The following GAREM1 variants were observed in gnomAD, a reference collection of about 807,000 sequenced individuals.
The protein encoded by GAREM1 is GRB2 associated regulator of MAPK1 subtype 1.
GAREM1 carries 26 observed loss-of-function variants against 71.3 expected under a neutral mutation model. That is an observed-to-expected ratio of 0.36 (90% CI 0.27 to 0.51). GAREM1 has a LOEUF of 0.51. GAREM1 is among the 20% of genes least tolerant of loss of function. The pLI, the probability that GAREM1 is intolerant of heterozygous loss-of-function variation, is 0.95. For synonymous variants in GAREM1, 440 were observed against 433.2 expected, an observed-to-expected ratio of 1.02 and a Z score of -0.20; for missense variants, 1,026 against 1,103.1, an observed-to-expected ratio of 0.93 and a Z score of 0.99.
intron 2 of GAREM1, among the ~76,000 whole-genome samples, chr18:32,341,183 G>C (rs968287952): frequency 6.6e-6 from 1 of 152,092 alleles, no homozygotes; most frequent in African/African-American, 2.4e-5. Context: ...CTGTGTCCAA[G>C]TGTTCTCATT....
At chr18:32,315,473 T>TAAAAGTAGATATATATAAAATATATAA (rs2047368728) in intron 2 of GAREM1, among the ~76,000 whole-genome samples, 1 of 147,308 alleles carries the variant, frequency 6.8e-6, no homozygotes, top group African/African-American at 2.5e-5. Context: ...TAAATATATA[T>TAAAAGTAGATATATATAAAATATATAA]AAAAGTAGAT....
At chr18:32,397,406 C>T (rs1432629705) in intron 1 of GAREM1, among the ~76,000 whole-genome samples, 3 of 152,016 alleles carry the variant, frequency 2.0e-5, no homozygotes, top group African/African-American at 7.3e-5. Flanking sequence ...TACAGGAGAC[C>T]CATCTCACAT....
chr18:32,438,016 C>T (rs331970), intron 1 of GAREM1, among the ~76,000 whole-genome samples: 1 of 152,112 alleles, frequency 6.6e-6, no homozygotes, highest in Non-Finnish European at 1.5e-5. Flanking sequence ...CCCAGCACCT[C>T]TAAAGTCTAA....
chr18:32,303,406 T>C (rs919525659), intron 3 of GAREM1, among the ~76,000 whole-genome samples: 4 of 152,204 alleles, frequency 2.6e-5, no homozygotes, highest in African/African-American at 9.7e-5. Flanking sequence ...TTGTTAGTCA[T>C]TATTTTGATG....
chr18:32,338,570 C>T (rs117932377), intron 2 of GAREM1, among the ~76,000 whole-genome samples: 1 of 152,300 alleles, frequency 6.6e-6, no homozygotes, highest in Admixed American at 6.5e-5. Context: ...GCATTAAACA[C>T]CCTTAAAGCA....
At chr18:32,357,324 TA>T (rs2047816269) in intron 2 of GAREM1, among the ~76,000 whole-genome samples, 1 of 152,118 alleles carries the variant, frequency 6.6e-6, no homozygotes, top group African/African-American at 2.4e-5. Flanking sequence ...TAAAAATAAA[TA>T]AATTTTTTAA....
At chr18:32,429,728 C>A (rs2048605706) in intron 1 of GAREM1, among the ~76,000 whole-genome samples, 1 of 152,198 alleles carries the variant, frequency 6.6e-6, no homozygotes, top group Admixed American at 6.5e-5. Context: ...CACTTCACTC[C>A]TCTAATGAAA....
intron 4 of GAREM1, 99 bp from the exon 5 acceptor site, chr18:32,270,482 G>A (rs956637014): frequency 1.2e-5 from 12 of 968,268 alleles, no homozygotes; most frequent in African/African-American, 8.2e-5. Context: ...CTCTTAAACC[G>A]TAACAGCAGG....
At chr18:32,388,488 G>T (rs993467916) in intron 2 of GAREM1, among the ~76,000 whole-genome samples, 1 of 152,080 alleles carries the variant, frequency 6.6e-6, no homozygotes. Flanking sequence ...AAATTTCCCA[G>T]TAATCACAAA....
chr18:32,300,227 T>C (rs2047186072), intron 3 of GAREM1, among the ~76,000 whole-genome samples: 1 of 152,156 alleles, frequency 6.6e-6, no homozygotes, highest in Non-Finnish European at 1.5e-5. Context: ...AGCAAATAAT[T>C]CCTACCCATT....
intron 2 of GAREM1, among the ~76,000 whole-genome samples, chr18:32,329,523 T>A (rs756280969): frequency 2.0e-5 from 3 of 151,488 alleles, no homozygotes; most frequent in Non-Finnish European, 4.4e-5. Flanking sequence ...CTGGCCAATA[T>A]GGTGACACCC....
chr18:32,398,443 G>C (rs1216588652), intron 1 of GAREM1, among the ~76,000 whole-genome samples: 1 of 152,068 alleles, frequency 6.6e-6, no homozygotes, highest in African/African-American at 2.4e-5. Flanking sequence ...GAAGAAAAGA[G>C]AGAAGAATCA....
intron 2 of GAREM1, among the ~76,000 whole-genome samples, chr18:32,346,978 T>C (rs2047703250): frequency 6.6e-6 from 1 of 152,146 alleles, no homozygotes; most frequent in South Asian, 2.1e-4. Flanking sequence ...AGTCTCTGCT[T>C]TGTTCACACT....
At chr18:32,462,406 G>A (rs1383097911) in intron 1 of GAREM1, among the ~76,000 whole-genome samples, 1 of 152,036 alleles carries the variant, frequency 6.6e-6, no homozygotes, top group Non-Finnish European at 1.5e-5. Context: ...TAAGCCATTT[G>A]TATGTCTTCT....
chr18:32,442,443 CTT>C (rs1326420452), intron 1 of GAREM1, among the ~76,000 whole-genome samples: 2 of 152,086 alleles, frequency 1.3e-5, no homozygotes, highest in Non-Finnish European at 2.9e-5. Context: ...GATCTTAACA[CTT>C]TTAAATTTAA....
At chr18:32,397,190 G>C (rs1213859327) in intron 1 of GAREM1, among the ~76,000 whole-genome samples, 1 of 152,182 alleles carries the variant, frequency 6.6e-6, no homozygotes, top group Non-Finnish European at 1.5e-5. Context: ...ACCAGCCACT[G>C]CAAAAACATG....
intron 1 of GAREM1, among the ~76,000 whole-genome samples, chr18:32,461,774 G>A (rs1039013427): frequency 2.0e-5 from 3 of 152,126 alleles, no homozygotes; most frequent in African/African-American, 7.2e-5. Context: ...AGAAATAAAA[G>A]TTACTTTTCC....
chr18:32,468,960 T>TCCCCCCCCCCC (rs34977174), intron 1 of GAREM1, among the ~76,000 whole-genome samples: 244 of 82,182 alleles, frequency 3.0e-3, no homozygotes, highest in Non-Finnish European at 3.2e-3. Context: ...CACCTGTGCG[T>TCCCCCCCCCCC]CCCCCCCCCC....
At chr18:32,280,477 T>C (rs369509586) in intron 4 of GAREM1, among the ~76,000 whole-genome samples, 1 of 152,202 alleles carries the variant, frequency 6.6e-6, no homozygotes, top group African/African-American at 2.4e-5. Flanking sequence ...TACCAGTTTC[T>C]TGACACTTGT....
Sources: allele counts gnomAD v4.1 joint callset (sites outside exome capture counted in the v4.1 genomes callset), GRCh38; gene constraint gnomAD v4.1.1; transcripts MANE v1.5; gene names NCBI Gene and HGNC (gene_info 2026-07-23, HGNC 2026-07-21).